Variants in SLC17A1 observed in about 807,000 individuals in gnomAD.
SLC17A1 encodes solute carrier family 17 member 1.
SLC17A1 carries 51 observed loss-of-function variants against 53.5 expected under a neutral mutation model. The ratio of observed to expected loss-of-function variants is 0.95; its 90% CI spans 0.76 to 1.20. The LOEUF (loss-of-function observed/expected upper bound fraction) is 1.20, where lower values mean the gene tolerates loss of function less well. Among genes scored for constraint, SLC17A1 ranks in the 50% most tolerant of loss-of-function variants. The pLI is 0.00. For synonymous variants in SLC17A1, 179 were observed against 198.8 expected (o/e 0.90, Z 0.84); for missense variants, 538 against 568.2 (o/e 0.95, Z 0.54).
the SLC17A1 span, among the ~76,000 whole-genome samples, chr6:25,753,366 CT>C: frequency 2.2e-3 from 337 of 152,274 alleles, 1 homozygote; most frequent in Middle Eastern, 3.4e-3. Context: ...GGTGAATTTG[CT>C]CTCTTTTCTC....
intron 10 of SLC17A1, among the ~76,000 whole-genome samples, chr6:25,803,336 T>C (rs1179347978): frequency 8.3e-6 from 1 of 120,668 alleles, no homozygotes; most frequent in Non-Finnish European, 1.8e-5. Flanking sequence ...GTGGGCAAGC[T>C]TCTTTATAAA....
At chr6:25,739,244 C>T in the SLC17A1 span, among the ~76,000 whole-genome samples, 3 of 152,160 alleles carry the variant, frequency 2.0e-5, no homozygotes, top group African/African-American at 7.2e-5. Flanking sequence ...CTTGTATCCT[C>T]ACGTGGCAGA....
intron 6 of SLC17A1, among the ~76,000 whole-genome samples, chr6:25,818,104 G>A (rs982600464): frequency 6.6e-6 from 1 of 152,180 alleles, no homozygotes; most frequent in Non-Finnish European, 1.5e-5. Context: ...ATGAACATCA[G>A]TAGGCCCCCA....
At chr6:25,754,375 A>G in the SLC17A1 span, among the ~76,000 whole-genome samples, 22 of 152,208 alleles carry the variant, frequency 1.4e-4, no homozygotes, top group Non-Finnish European at 2.6e-4. Context: ...ATTAAACAGC[A>G]GGATGGTGGA....
intron 10 of SLC17A1, among the ~76,000 whole-genome samples, chr6:25,802,107 A>G (rs1223507832): frequency 6.6e-6 from 1 of 152,144 alleles, no homozygotes; most frequent in Admixed American, 6.5e-5. Flanking sequence ...TGCTTTCATG[A>G]ACCTCTTCCC....
the SLC17A1 span, among the ~76,000 whole-genome samples, chr6:25,741,658 G>A: frequency 1.3e-5 from 2 of 152,026 alleles, no homozygotes; most frequent in Non-Finnish European, 2.9e-5. Flanking sequence ...AGAGGTTGCC[G>A]TGAGCCCAGA....
chr6:25,757,634 A>G, the SLC17A1 span, among the ~76,000 whole-genome samples: 1 of 151,566 alleles, frequency 6.6e-6, no homozygotes, highest in African/African-American at 2.4e-5. Flanking sequence ...TCTGTCAGCA[A>G]CTCCTCTCAC....
intron 12 of SLC17A1, among the ~76,000 whole-genome samples, chr6:25,788,201 C>A (rs558815102): frequency 2.5e-4 from 38 of 152,314 alleles, no homozygotes; most frequent in African/African-American, 9.1e-4. Flanking sequence ...TATCTGATAT[C>A]ACCTTCAAAT....
At chr6:25,765,376 A>C in the SLC17A1 span, among the ~76,000 whole-genome samples, 3 of 152,354 alleles carry the variant, frequency 2.0e-5, no homozygotes, top group African/African-American at 7.2e-5. Context: ...ATTTTGTAGG[A>C]GCCTGCTCAG....
intron 10 of SLC17A1, among the ~76,000 whole-genome samples, chr6:25,811,112 A>T (rs1343581515): frequency 6.6e-6 from 1 of 152,152 alleles, no homozygotes; most frequent in Non-Finnish European, 1.5e-5. Context: ...TAGCCAAAAG[A>T]TACCAAATTT....
At chr6:25,726,672 C>G in the SLC17A1 span, 1 of 1,157,860 alleles carries the variant, frequency 8.6e-7, no homozygotes, top group Non-Finnish European at 1.2e-6. Flanking sequence ...AGAATCGCCT[C>G]ATTTGCATTC....
chr6:25,784,406 C>T (rs547486324), intron 12 of SLC17A1, among the ~76,000 whole-genome samples: 1 of 152,212 alleles, frequency 6.6e-6, no homozygotes, highest in Non-Finnish European at 1.5e-5. Flanking sequence ...GTGAGGGTCT[C>T]AGGAATCTTC....
chr6:25,727,108 T>C, the SLC17A1 span: 1 of 1,614,216 alleles, frequency 6.2e-7, no homozygotes, highest in South Asian at 1.1e-5. Context: ...ATGAATTCCT[T>C]CGTCACTGAT....
the SLC17A1 span, among the ~76,000 whole-genome samples, chr6:25,752,947 G>A: frequency 6.8e-5 from 10 of 147,092 alleles, no homozygotes; most frequent in Admixed American, 2.7e-4. Context: ...CTGAGACTCC[G>A]TCTCAAAAAA....
the SLC17A1 span, among the ~76,000 whole-genome samples, chr6:25,731,045 G>A: frequency 6.6e-6 from 1 of 152,238 alleles, no homozygotes; most frequent in Non-Finnish European, 1.5e-5. Flanking sequence ...GAATGCAGAA[G>A]TTCAGGAACA....
chr6:25,769,179 T>A, the SLC17A1 span: 2 of 1,613,778 alleles, frequency 1.2e-6, no homozygotes, highest in South Asian at 1.1e-5. Context: ...TCTAAAAGAA[T>A]TTAAAGCAAT....
intron 11 of SLC17A1, among the ~76,000 whole-genome samples, chr6:25,799,391 T>G (rs1763687403): frequency 6.6e-6 from 1 of 152,188 alleles, no homozygotes; most frequent in African/African-American, 2.4e-5. Context: ...GCAATCCTTT[T>G]TTTTTTAAGT....
At chr6:25,726,474 G>A in the SLC17A1 span, 43 of 1,613,702 alleles carry the variant, frequency 2.7e-5, no homozygotes, top group African/African-American at 5.3e-5. Flanking sequence ...CTCTAGAAGA[G>A]CGAGACTTAG....
At chr6:25,755,717 G>A in the SLC17A1 span, among the ~76,000 whole-genome samples, 1 of 152,094 alleles carries the variant, frequency 6.6e-6, no homozygotes, top group Non-Finnish European at 1.5e-5. Context: ...TCTTAGCTAT[G>A]GACTCACAGA....
Sources: gnomAD v4.1 joint callset for allele counts (sites outside exome capture counted in the v4.1 genomes callset) on GRCh38, gnomAD v4.1.1 for gene constraint, MANE v1.5 for transcripts, NCBI Gene and HGNC (gene_info 2026-07-23, HGNC 2026-07-21) for gene names.